The following RFX3 variants were observed in gnomAD, a reference collection of about 807,000 sequenced individuals.
The protein encoded by RFX3 is transcription factor RFX3.
Under a neutral mutation model 98.6 loss-of-function variants are expected in RFX3, and 14 were observed. The observed-to-expected ratio is 0.14, with a 90% CI of 0.09 to 0.22. RFX3 has a LOEUF of 0.22. RFX3 is among the 10% of genes least tolerant of loss of function. The pLI is 1.00. For missense variants in RFX3, 639 were observed against 926.9 expected (o/e 0.69, Z 4.03); for synonymous variants, 383 against 328.4 (o/e 1.17, Z -1.80).
chr9:3,255,460 C>T (rs1822003548), intron 14 of RFX3, among the ~76,000 whole-genome samples: 1 of 152,220 alleles, frequency 6.6e-6, no homozygotes, highest in East Asian at 1.9e-4. Flanking sequence ...GTGGCCACCA[C>T]TTTCTGATAT....
At chr9:3,403,021 G>C (rs1395343951) in intron 1 of RFX3, among the ~76,000 whole-genome samples, 1 of 151,908 alleles carries the variant, frequency 6.6e-6, no homozygotes, top group Non-Finnish European at 1.5e-5. Flanking sequence ...ACATATATAT[G>C]TATTTTAAAC....
At chr9:3,233,205 T>C (rs769446817) in intron 15 of RFX3, among the ~76,000 whole-genome samples, 12 of 152,112 alleles carry the variant, frequency 7.9e-5, no homozygotes, top group Non-Finnish European at 1.6e-4. Context: ...AGACTAGCAA[T>C]GTCCATGAAG....
intron 1 of RFX3, among the ~76,000 whole-genome samples, chr9:3,514,706 C>T (rs1236023578): frequency 6.6e-6 from 1 of 152,164 alleles, no homozygotes; most frequent in Non-Finnish European, 1.5e-5. Flanking sequence ...ATCTCAGCCT[C>T]CCAATGTGCT....
At chr9:3,254,302 C>T (rs960822079) in intron 14 of RFX3, among the ~76,000 whole-genome samples, 4 of 149,644 alleles carry the variant, frequency 2.7e-5, no homozygotes, top group South Asian at 2.1e-4. Context: ...CACAGGTAGA[C>T]GTAAGGGCAA....
At chr9:3,411,830 C>T (rs1047016701) in intron 1 of RFX3, among the ~76,000 whole-genome samples, 27 of 151,966 alleles carry the variant, frequency 1.8e-4, no homozygotes, top group African/African-American at 5.3e-4. Flanking sequence ...TCCAATTATA[C>T]GGACCTAGTC....
intron 4 of RFX3, among the ~76,000 whole-genome samples, chr9:3,309,274 A>T (rs927367478): frequency 3.9e-5 from 6 of 152,126 alleles, no homozygotes. Flanking sequence ...AGGGAGAAAA[A>T]ACACAAAGAT....
intron 1 of RFX3, chr9:3,488,679 T>C: frequency 1.9e-6 from 1 of 521,738 alleles, no homozygotes; most frequent in Non-Finnish European, 2.5e-6. Context: ...GTCAAGGCCT[T>C]AGACACAAAA....
intron 1 of RFX3, among the ~76,000 whole-genome samples, chr9:3,505,391 TATAAA>T (rs1276930100): frequency 7.9e-6 from 1 of 126,280 alleles, no homozygotes; most frequent in South Asian, 2.3e-4. Flanking sequence ...ATTTATATAA[TATAAA>T]ATAAAATACT....
intron 1 of RFX3, among the ~76,000 whole-genome samples, chr9:3,493,455 C>T (rs1301863944): frequency 2.0e-5 from 3 of 151,896 alleles, no homozygotes; most frequent in Non-Finnish European, 2.9e-5. Context: ...GAGGCCGAGG[C>T]AGGCAGATCA....
intron 1 of RFX3, chr9:3,452,424 C>A: frequency 4.5e-6 from 1 of 224,528 alleles, no homozygotes; most frequent in East Asian, 1.5e-4. Context: ...GACACCAGGT[C>A]TATAAAATAA....
intron 15 of RFX3, among the ~76,000 whole-genome samples, chr9:3,245,877 G>C (rs938551169): frequency 3.3e-5 from 5 of 152,296 alleles, no homozygotes; most frequent in East Asian, 1.9e-4. Context: ...TCTGGATTTG[G>C]TGATTGGAAA....
chr9:3,308,492 T>C (rs1829587707), intron 4 of RFX3, among the ~76,000 whole-genome samples: 2 of 152,218 alleles, frequency 1.3e-5, no homozygotes, highest in Non-Finnish European at 2.9e-5. Flanking sequence ...TTAGGAATTA[T>C]ATGTGGTCTC....
chr9:3,498,606 G>C (rs12353393), intron 1 of RFX3, among the ~76,000 whole-genome samples: 17,568 of 151,798 alleles, frequency 0.12, 1,859 homozygotes, highest in East Asian at 0.57. Context: ...TTGTTATTTT[G>C]GGTATATTAT....
Position 3,247,850 on chromosome 9 carries a change from G to A in RFX3, c.1968+182C>T, listed in dbSNP as rs1400157078. ...ATAATCCACAATTTTAGAATCTTTT[G>A]ATTAAGCACATAAGAACAGAGGAAT... is the stretch of plus-strand genomic sequence containing the variant. On this transcript the variant is annotated intron_variant, in intron 15 of 16. Transcript: ENST00000617270. The A allele has an allele frequency of 2.5e-6, 4 of 1,605,474 alleles. No homozygotes were observed. In the South Asian group the frequency reaches 4.4e-5, roughly 18 times the overall value.
intron 1 of RFX3, among the ~76,000 whole-genome samples, chr9:3,429,631 C>T (rs75336223): frequency 0.024 from 3,652 of 152,110 alleles, 166 homozygotes; most frequent in African/African-American, 0.084. Context: ...AACCCATTTC[C>T]GTCTTATATT....
intron 5 of RFX3, among the ~76,000 whole-genome samples, chr9:3,298,488 A>G (rs749599402): frequency 1.3e-4 from 20 of 151,882 alleles, no homozygotes; most frequent in Non-Finnish European, 2.8e-4. Context: ...TTCATTCAGC[A>G]AATATTTAGT....
chr9:3,495,451 T>G (rs1851040452), intron 1 of RFX3, among the ~76,000 whole-genome samples: 1 of 152,096 alleles, frequency 6.6e-6, no homozygotes, highest in Admixed American at 6.6e-5. Flanking sequence ...ATTTTAACTC[T>G]GAAATTTAAC....
intron 1 of RFX3, among the ~76,000 whole-genome samples, chr9:3,499,180 C>A (rs1213798688): frequency 6.6e-6 from 1 of 152,032 alleles, no homozygotes; most frequent in East Asian, 1.9e-4. Flanking sequence ...TATTTTCATA[C>A]AGTCTCCTAA....
intron 1 of RFX3, among the ~76,000 whole-genome samples, chr9:3,401,140 A>G (rs1032405114): frequency 1.3e-5 from 2 of 152,240 alleles, no homozygotes; most frequent in African/African-American, 4.8e-5. Context: ...TTCTCTTTCA[A>G]CAGAGACCAT....
Sources: allele counts gnomAD v4.1 joint callset (sites outside exome capture counted in the v4.1 genomes callset), GRCh38; gene constraint gnomAD v4.1.1; transcripts MANE v1.5; gene names NCBI Gene and HGNC (gene_info 2026-07-23, HGNC 2026-07-21).